The following RAB30 variants were observed in gnomAD, a reference collection of about 807,000 sequenced individuals.
RAB30 encodes the protein RAB30, member RAS oncogene family, also known as ras-related protein Rab-30.
A neutral mutation model predicts 25.1 loss-of-function variants in RAB30; 9 were observed. The ratio of observed to expected loss-of-function variants is 0.36; its 90% CI spans 0.22 to 0.63. RAB30 has a LOEUF of 0.63. Among genes scored for constraint, RAB30 ranks in the 20% least tolerant of loss-of-function variants. The pLI is 0.69. For synonymous variants in RAB30, 77 were observed against 86.4 expected (o/e 0.89, Z 0.60); for missense variants, 140 against 243.5 (o/e 0.58, Z 2.83).
At chr11:83,057,350 C>A (rs1565291495) in intron 1 of RAB30, among the ~76,000 whole-genome samples, 1 of 152,266 alleles carries the variant, frequency 6.6e-6, no homozygotes, top group East Asian at 1.9e-4. Context: ...GAGCTCTCTA[C>A]CCAACTTCCA....
At chr11:83,023,984 G>A (rs376690290) in intron 1 of RAB30, among the ~76,000 whole-genome samples, 3 of 152,082 alleles carry the variant, frequency 2.0e-5, no homozygotes, top group African/African-American at 7.2e-5. Context: ...AGTTTAATCC[G>A]TGCAGTTACC....
intron 1 of RAB30, among the ~76,000 whole-genome samples, chr11:83,039,842 T>C (rs35937086): frequency 0.072 from 11,017 of 152,140 alleles, 532 homozygotes; most frequent in Middle Eastern, 0.16. Flanking sequence ...ACTTAATAAG[T>C]AGGAGTTTGT....
chr11:82,999,296 T>C (rs1857024468), intron 1 of RAB30, among the ~76,000 whole-genome samples: 1 of 152,184 alleles, frequency 6.6e-6, no homozygotes, highest in African/African-American at 2.4e-5. Context: ...AAGCACCAGA[T>C]TCATGTTCCA....
intron 1 of RAB30, among the ~76,000 whole-genome samples, chr11:83,028,201 C>T (rs1857770400): frequency 6.6e-6 from 1 of 152,072 alleles, no homozygotes; most frequent in Non-Finnish European, 1.5e-5. Flanking sequence ...ACAAAAAGAG[C>T]TCTTAGACAT....
At chr11:82,995,854 A>G (rs920742171) in intron 2 of RAB30, among the ~76,000 whole-genome samples, 1 of 152,206 alleles carries the variant, frequency 6.6e-6, no homozygotes, top group Admixed American at 6.5e-5. Flanking sequence ...TAGCCCCTCT[A>G]GATCTGACCT....
intron 3 of RAB30, among the ~76,000 whole-genome samples, chr11:82,988,919 G>A (rs1856794253): frequency 9.8e-6 from 1 of 102,260 alleles, no homozygotes; most frequent in South Asian, 3.4e-4. Flanking sequence ...AGTCTCTCTT[G>A]CGATACATCC....
Sources: allele counts gnomAD v4.1 joint callset (sites outside exome capture counted in the v4.1 genomes callset), GRCh38; gene constraint gnomAD v4.1.1; transcripts MANE v1.5; gene names NCBI Gene and HGNC (gene_info 2026-07-23, HGNC 2026-07-21).